The following PTPRF variants were observed in gnomAD, a reference collection of about 807,000 sequenced individuals.
The protein encoded by PTPRF is protein tyrosine phosphatase receptor type F.
A neutral mutation model predicts 201.8 loss-of-function variants in PTPRF; 59 were observed. The ratio of observed to expected loss-of-function variants is 0.29; its 90% CI spans 0.24 to 0.36. The LOEUF (loss-of-function observed/expected upper bound fraction) is 0.36. Ranked by LOEUF, PTPRF falls within the 10% of genes least tolerant of loss-of-function variation. The pLI, the probability that PTPRF is intolerant of heterozygous loss-of-function variation, is 1.00. For missense variants in PTPRF, 2,132 were observed against 2,690.5 expected (o/e 0.79, Z 4.59); for synonymous variants, 1,088 against 1,089.7 (o/e 1.00, Z 0.03).
At chr1:43,543,619 C>T (rs1189403261) in intron 2 of PTPRF, among the ~76,000 whole-genome samples, 1 of 152,314 alleles carries the variant, frequency 6.6e-6, no homozygotes, top group Non-Finnish European at 1.5e-5. Context: ...GCCTTCTGAC[C>T]TCATGAACTT....
chr1:43,596,231 C>A (rs1028158272), intron 11 of PTPRF, among the ~76,000 whole-genome samples: 4 of 152,064 alleles, frequency 2.6e-5, no homozygotes, highest in African/African-American at 9.7e-5. Flanking sequence ...TGAGCAAGAA[C>A]AAGGGGGTGG....
In PTPRF at chr1:43,605,376, T is replaced by C; in HGVS notation, c.3322T>C (p.Ser1108Pro). Reference protein sequence around the residue: ...DLLPHKPLPASAYIEDGRFDL... With the variant: ...DLLPHKPLPAPAYIEDGRFDL... ...CCTGCCTCACAAGCCGCTGCCTGCCTCTGCCTACATAGAGGACGGCCGCTT... is the reference window on the plus strand; with the variant it reads ...CCTGCCTCACAAGCCGCTGCCTGCCCCTGCCTACATAGAGGACGGCCGCTT... Residue 1108 changes from serine to proline, a missense_variant, in exon 18 of 34, where the codon TCT (serine) becomes CCT (proline). Coordinates refer to ENST00000359947, the MANE Select transcript of PTPRF (RefSeq NM_002840.5). The C allele has an allele frequency of 6.2e-7, 1 of 1,614,006 alleles. No homozygotes were observed. Among genetic ancestry groups the C allele is most frequent in the Non-Finnish European group, 8.5e-7 (1 of 1,179,980 alleles).
chr1:43,605,387 A>G lies in PTPRF; in HGVS notation c.3333A>G (p.Ile1111Met). The part of the protein sequence containing the change: ...PHKPLPASAY[I>M]EDGRFDLSMP... ...AGCCGCTGCCTGCCTCTGCCTACAT[A>G]GAGGACGGCCGCTTCGATCTCTCCA... The change falls in exon 18 of 34, where the codon ATA (isoleucine) becomes ATG (methionine). Residue 1111 changes from isoleucine to methionine, a missense_variant. By Grantham distance (10) the Ile-to-Met change is conservative. Around this residue, in one of 6 missense-constraint regions of PTPRF, gnomAD observed 818 missense variants for 915.3 expected, o/e 0.89. Transcript: ENST00000359947. 6.2e-7 allele frequency: 1 copy of G among 1,613,872 alleles called. No individual in the cohort carries two copies. The highest frequency in any genetic ancestry group is 8.5e-7 in the Non-Finnish European group (1 of 1,179,874).
chr1:43,592,574 A>T lies in PTPRF; in HGVS notation c.1786A>T (p.Thr596Ser). 1.2e-6 allele frequency: 2 copies of T among 1,604,688 alleles called. No homozygotes were observed. Among genetic ancestry groups the T allele is most frequent in the Non-Finnish European group, 1.7e-6 (2 of 1,176,598 alleles). The change falls in exon 11 of 34, where the codon ACC (threonine) becomes TCC (serine). Residue 596 changes from threonine to serine, a missense_variant. Coordinates refer to ENST00000359947, the MANE Select transcript of PTPRF (RefSeq NM_002840.5). ...TATGGGGGTGGGCGTCTTCACCCCC[A>T]CCATTGAGGCCCGCACAGCCCAGTC... Reference protein sequence around the residue: ...SDMGVGVFTPTIEARTAQSTP... With the variant: ...SDMGVGVFTPSIEARTAQSTP...
At chr1:43,529,891 G>C (rs1385266391), upstream of PTPRF, among the ~76,000 whole-genome samples, 1 of 152,138 alleles carries the variant, frequency 6.6e-6, no homozygotes, top group African/African-American at 2.4e-5. Context: ...TACATTTAGA[G>C]GGCATTATCA....
chr1:43,613,743 G>T, intron 23 of PTPRF, 28 bp downstream of exon 23: 1 of 1,591,390 alleles, frequency 6.3e-7, no homozygotes, highest in Non-Finnish European at 8.6e-7. Flanking sequence ...CCTACCATGT[G>T]CCTGGCCCAG....
At chr1:43,559,359 T>C (rs1645625885) in intron 5 of PTPRF, among the ~76,000 whole-genome samples, 1 of 152,122 alleles carries the variant, frequency 6.6e-6, no homozygotes, top group Non-Finnish European at 1.5e-5. Flanking sequence ...CGTCAGGCAG[T>C]GCGTGGTGTG....
intron 23 of PTPRF, among the ~76,000 whole-genome samples, chr1:43,615,422 C>T (rs1420824849): frequency 6.6e-6 from 1 of 152,144 alleles, no homozygotes. Flanking sequence ...AGTCCCCTTC[C>T]ATCTTCTACC....
rs551420365 is a variant in PTPRF at position 43,606,988 on chromosome 1, C to T, written c.3857+20C>T. On this transcript the variant is annotated intron_variant, in intron 21 of 33. Coordinates refer to ENST00000359947, the MANE Select transcript of PTPRF (RefSeq NM_002840.5). ...CAAAAGGTGAGCACTGCCCTCAGAG[C>T]TCCGGGAACGGCCACCTGCCCCTCG... 13 of 1,610,832 alleles carry T rather than the reference C, an allele frequency of 8.1e-6. No homozygotes were observed. The East Asian group carries it at 2.5e-4, about 30-fold the overall frequency.
chr1:43,568,304 A>G (rs1646328147), intron 5 of PTPRF, among the ~76,000 whole-genome samples: 1 of 151,928 alleles, frequency 6.6e-6, no homozygotes, highest in African/African-American at 2.4e-5. Context: ...CAAAAAAAAA[A>G]AAAAAGAAAA....
At chr1:43,600,119 G>A (rs1653382560) in intron 13 of PTPRF, among the ~76,000 whole-genome samples, 1 of 152,216 alleles carries the variant, frequency 6.6e-6, no homozygotes, top group Admixed American at 6.5e-5. Context: ...CCTGCCCAGT[G>A]CTAAGGCATC....
intron 5 of PTPRF, among the ~76,000 whole-genome samples, chr1:43,567,880 C>T (rs749660404): frequency 9.2e-5 from 14 of 152,180 alleles, no homozygotes; most frequent in Non-Finnish European, 2.1e-4. Flanking sequence ...TGGTCTCCCC[C>T]ACCATGAGCC....
At chr1:43,621,893 C>T (rs368633558) in intron 33 of PTPRF, 42 bp from the exon 34 acceptor site, 3 of 1,594,040 alleles carry the variant, frequency 1.9e-6, no homozygotes, top group African/African-American at 2.7e-5. Flanking sequence ...GTGGGGGTGT[C>T]CACTGGCGCG....
At chr1:43,541,761 T>C (rs904829143) in intron 2 of PTPRF, among the ~76,000 whole-genome samples, 3 of 152,218 alleles carry the variant, frequency 2.0e-5, no homozygotes, top group Admixed American at 6.5e-5. Context: ...AAAGGATATA[T>C]TAAAACCATT....
At chr1:43,547,281 C>A (rs969520846) in intron 3 of PTPRF, among the ~76,000 whole-genome samples, 1 of 152,306 alleles carries the variant, frequency 6.6e-6, no homozygotes, top group Middle Eastern at 3.4e-3. Context: ...AAGCAGAGAA[C>A]CTCCATGCTG....
intron 13 of PTPRF, 97 bp downstream of exon 13, chr1:43,599,010 G>A: frequency 7.6e-7 from 1 of 1,315,130 alleles, no homozygotes; most frequent in South Asian, 1.4e-5. Flanking sequence ...TCCCCTGCCT[G>A]CCCTCAGCAG....
intron 9 of PTPRF, 32 bp from the exon 10 acceptor site, chr1:43,591,780 G>A: frequency 1.2e-6 from 2 of 1,611,198 alleles, no homozygotes; most frequent in Non-Finnish European, 8.5e-7. Flanking sequence ...TCACGCAGAT[G>A]AGGCTGACCT....
In PTPRF at chr1:43,588,083, C is replaced by G. The variant is rs936561120; in HGVS notation, c.680-648C>G. Among the ~76,000 whole-genome samples the G allele has an allele frequency of 2.0e-5, 3 of 152,208 alleles. No homozygotes were observed. The highest frequency in any genetic ancestry group is 7.2e-5 in the African/African-American group (3 of 41,450). ...ACCATGTCCCTGGCCTGCCCTGACC[C>G]CTGCCCCTCCCCAGTCCTCCTGAGG... On this transcript the variant is annotated intron_variant, in intron 7 of 33. Transcript: ENST00000359947. The surrounding 1 kb of genome is among the most constrained non-coding windows in gnomAD (Gnocchi z 5.3).
Position 43,588,917 on chromosome 1 carries a change from A to G in PTPRF, c.866A>G (p.Asn289Ser). 2.5e-6 allele frequency: 4 copies of G among 1,611,452 alleles called. No homozygotes were observed. The highest frequency in any genetic ancestry group is 2.2e-5 in the East Asian group (1 of 44,806). Residue 289 changes from asparagine (N) to serine (S), a missense_variant, in exon 8 of 34, where the codon AAT (asparagine) becomes AGT (serine). Coordinates refer to ENST00000359947, the MANE Select transcript of PTPRF (RefSeq NM_002840.5). This position sits in a 1 kb window ranked among gnomAD's most constrained non-coding sequence, Gnocchi z 5.3. Reference sequence around the variant, plus strand: ...GGCCGCAACGTCCTGGAGCTCAGCAATGTCGTACGCTCTGCCAACTACACC... The same window carrying G: ...GGCCGCAACGTCCTGGAGCTCAGCAGTGTCGTACGCTCTGCCAACTACACC... ...PVGRNVLELS[N>S]VVRSANYTCV...
Sources: gnomAD v4.1 joint callset for allele counts (sites outside exome capture counted in the v4.1 genomes callset) on GRCh38, gnomAD v4.1.1 for gene constraint, gnomAD v4.1.1 regional missense constraint, Gnocchi (gnomAD v3.1) non-coding constraint, MANE v1.5 for transcripts, NCBI Gene and HGNC (gene_info 2026-07-23, HGNC 2026-07-21) for gene names.